GPR108: variants seen among roughly 807,000 people sequenced by gnomAD.
The protein encoded by GPR108 is G protein-coupled receptor 108.
A neutral mutation model predicts 74.3 loss-of-function variants in GPR108; 60 were observed. The ratio of observed to expected loss-of-function variants is 0.81; its 90% CI spans 0.66 to 1.00. The LOEUF (loss-of-function observed/expected upper bound fraction) is 1.00. GPR108 is among the 50% of genes least tolerant of loss of function. GPR108 has a pLI of 0.00. For missense variants in GPR108, 667 were observed against 703.3 expected (o/e 0.95, Z 0.58); for synonymous variants, 311 against 292.4 (o/e 1.06, Z -0.65).
intron 7 of GPR108, 74 bp downstream of exon 7, chr19:6,733,771 G>T: frequency 6.3e-7 from 1 of 1,583,462 alleles, no homozygotes; most frequent in Non-Finnish European, 8.7e-7. Context: ...CGATGGTAGG[G>T]CTGCAGGAGG....
intron 3 of GPR108, 82 bp downstream of exon 3, chr19:6,735,826 C>T (rs1968612476): frequency 1.3e-6 from 2 of 1,533,916 alleles, no homozygotes; most frequent in African/African-American, 2.7e-5. Context: ...AGAACAGGGG[C>T]CCTTGGGTTA....
At chr19:6,734,597 T>C (rs1175020010) in intron 4 of GPR108, among the ~76,000 whole-genome samples, 1 of 152,182 alleles carries the variant, frequency 6.6e-6, no homozygotes, top group African/African-American at 2.4e-5. Context: ...GCTGGAGCGC[T>C]GTAGTGCAAT....
In GPR108 at chr19:6,737,020, G is replaced by T; in HGVS notation, c.121-309C>A. On this transcript the variant is annotated intron_variant, in intron 1 of 17. Coordinates refer to ENST00000264080, the MANE Select transcript of GPR108 (RefSeq NM_001080452.2). ...CGTGCCTGACCTTCACCTTCCCGAA[G>T]AACTTTTACATTCCAGTTGAGCTCC... 3 of 419,390 alleles carry T rather than the reference G, an allele frequency of 7.2e-6. No individual in the cohort carries two copies. In the South Asian group the frequency reaches 8.5e-5, roughly 12 times the overall value. The allele number at this position is 419,390 out of a possible 1,614,324, so 26.0% of individuals were successfully genotyped here. A position where few individuals can be genotyped will look rare whatever the true frequency, so the allele number is the denominator to read the frequency against.
At chr19:6,733,722 C>G (rs2145482704) in intron 7 of GPR108, 48 bp from the exon 8 acceptor site, 1 of 1,593,312 alleles carries the variant, frequency 6.3e-7, no homozygotes, top group Non-Finnish European at 8.6e-7. Context: ...GACCCGTGGT[C>G]TGGGGCGACA....
rs1297143380 is a variant in GPR108 at position 6,736,053 on chromosome 19, A to G, written c.241-95T>C. ...GCAATAGAAACCTAACCTCACATTTACTGAACACCTAACATGTGCTAGATC... is the reference window on the plus strand; with the variant it reads ...GCAATAGAAACCTAACCTCACATTTGCTGAACACCTAACATGTGCTAGATC... On this transcript the variant is annotated intron_variant, in intron 2 of 17. Transcript: ENST00000264080. The G allele has an allele frequency of 2.2e-5, 24 of 1,085,004 alleles. No individual in the cohort carries two copies. In the Admixed American group the frequency reaches 5.3e-4, roughly 24 times the overall value. 67.2% of individuals were successfully genotyped at this position (1,085,004 alleles called of 1,614,324 possible).
chr19:6,734,925 G>A (rs1333426098), intron 4 of GPR108, among the ~76,000 whole-genome samples: 3 of 150,794 alleles, frequency 2.0e-5, no homozygotes, highest in Non-Finnish European at 4.4e-5. Context: ...CTGTCGTCCA[G>A]GCTGGAGTGC....
intron 8 of GPR108, 21 bp from the exon 9 acceptor site, chr19:6,733,322 G>T: frequency 6.2e-7 from 1 of 1,608,826 alleles, no homozygotes; most frequent in Non-Finnish European, 8.5e-7. Context: ...GGCAGTGGTG[G>T]GCGGCGGCAG....
Position 6,730,273 on chromosome 19 carries a change from T to G in GPR108, c.*39A>C. On this transcript the variant is annotated 3_prime_UTR_variant, in exon 18 of 18. Transcript: ENST00000264080. ...GAAGAAGGGCAGGAGTGAGAAATGCTGGGGGAGGACGACCCTTTGGTCTGA... is the reference window on the plus strand; with the variant it reads ...GAAGAAGGGCAGGAGTGAGAAATGCGGGGGGAGGACGACCCTTTGGTCTGA... The G allele has an allele frequency of 6.4e-7, 1 of 1,574,474 alleles. No individual in the cohort carries two copies. The highest frequency in any genetic ancestry group is 1.3e-5 in the African/African-American group (1 of 74,222).
In GPR108 at chr19:6,737,457, C is replaced by T. The variant is rs1193797618; in HGVS notation, c.120G>A (p.Thr40=). ...CAGACCCTCGCGCGGCGGGCCTCACCGTCAGCGCCAGCTGGTGGATGCGCC... is the reference window on the plus strand; with the variant it reads ...CAGACCCTCGCGCGGCGGGCCTCACTGTCAGCGCCAGCTGGTGGATGCGCC... ...CSGRIHQLAL[T]GEKRADIQLN... The change falls in exon 1 of 18, where the codon ACG becomes ACA. Residue 40 remains threonine, a splice_region_variant and synonymous_variant. Transcript: ENST00000264080. 1 of 1,586,958 alleles carries T rather than the reference C, an allele frequency of 6.3e-7. No individual in the cohort carries two copies. The highest frequency in any genetic ancestry group is 8.5e-7 in the Non-Finnish European group (1 of 1,175,030).
chr19:6,732,911 T>A, intron 10 of GPR108, 76 bp downstream of exon 10: 1 of 1,334,092 alleles, frequency 7.5e-7, no homozygotes, highest in Non-Finnish European at 1.0e-6. Context: ...AGGCCCAGGG[T>A]CTGCAGAGAT....
Position 6,733,529 on chromosome 19 carries a change from AG to A in GPR108, c.723+40del, listed in dbSNP as rs377429659. ...GCACTCTGGGCCCGCAGTGGCCTGCAGGGGGCGCTCCCTGGCCCTGCTGCCC... is the reference window on the plus strand; with the variant it reads ...GCACTCTGGGCCCGCAGTGGCCTGCAGGGGCGCTCCCTGGCCCTGCTGCCC... On this transcript the variant is annotated intron_variant, in intron 8 of 17. Transcript: ENST00000264080. 1.3e-3 allele frequency: 2,093 copies of A among 1,575,920 alleles called. 21 individuals carry two copies. The African/African-American group carries it at 0.023, about 18-fold the overall frequency.
intron 1 of GPR108, chr19:6,737,057 C>T: frequency 2.6e-6 from 1 of 391,808 alleles, no homozygotes; most frequent in South Asian, 3.0e-5. Context: ...AGCAATATTT[C>T]AACAGAACCC....
At chr19:6,737,128 C>A in intron 1 of GPR108, 2 of 391,360 alleles carry the variant, frequency 5.1e-6, no homozygotes, top group South Asian at 6.5e-5. Context: ...CCCCGCTGTG[C>A]GGCTCCAGGG....
At position 6,737,501 on chromosome 19, in the gene GPR108, G is replaced by A; in HGVS notation, c.76C>T (p.Leu26=). The A allele has an allele frequency of 1.3e-6, 2 of 1,585,048 alleles. No individual in the cohort carries two copies. Among genetic ancestry groups the A allele is most frequent in the Non-Finnish European group, 1.7e-6 (2 of 1,173,344 alleles). Residue 26 remains leucine (L), a synonymous_variant, in exon 1 of 18, where the codon CTG becomes TTG. Coordinates refer to ENST00000264080, the MANE Select transcript of GPR108 (RefSeq NM_001080452.2). ...EWGQRLLLVL[L]LGGCSGRIHQ... The stretch of plus-strand genomic sequence containing the variant: ...ATGCGCCCGGAGCAGCCACCCAGCA[G>A]CAGCACCAGAAGTAGCCGCTGCCCC...
chr19:6,732,196 C>T (rs760375717), intron 12 of GPR108, 41 bp from the exon 13 acceptor site: 2 of 1,612,484 alleles, frequency 1.2e-6, no homozygotes, highest in South Asian at 1.1e-5. Context: ...GCCTGGCACG[C>T]TCCCCTTTGC....
chr19:6,733,448 G>A (rs1968504753), intron 8 of GPR108, 122 bp downstream of exon 8: 1 of 1,292,096 alleles, frequency 7.7e-7, no homozygotes, highest in African/African-American at 1.5e-5. Context: ...TCTCAAATGG[G>A]TATAACAGCT....
At chr19:6,735,771 C>T in intron 3 of GPR108, 67 bp from the exon 4 acceptor site, 3 of 1,556,330 alleles carry the variant, frequency 1.9e-6, no homozygotes, top group South Asian at 2.2e-5. Context: ...ACCCTGTCTC[C>T]CTCCCTGTCC....
At chr19:6,734,851 T>C (rs550143679) in intron 4 of GPR108, among the ~76,000 whole-genome samples, 29 of 21,930 alleles carry the variant, frequency 1.3e-3, no homozygotes, top group Non-Finnish European at 1.7e-3. Context: ...AGCCCTACAT[T>C]ATTATTATTA....
chr19:6,731,755 C>A (rs1702375), intron 14 of GPR108, 136 bp downstream of exon 14: 790,540 of 1,035,902 alleles, frequency 0.76, 304,054 homozygotes, highest in Non-Finnish European at 0.79. Flanking sequence ...GAAAGAGAGG[C>A]CAGACTGGGG....
Sources: gnomAD v4.1 joint callset for allele counts (sites outside exome capture counted in the v4.1 genomes callset) on GRCh38, gnomAD v4.1.1 for gene constraint, MANE v1.5 for transcripts, NCBI Gene and HGNC (gene_info 2026-07-23, HGNC 2026-07-21) for gene names.